Variants in TRPV3 observed in about 807,000 individuals in gnomAD.
The protein encoded by TRPV3 is transient receptor potential cation channel subfamily V member 3.
Under a neutral mutation model 87.1 loss-of-function variants are expected in TRPV3, and 88 were observed. The observed-to-expected ratio is 1.01, with a 90% CI of 0.85 to 1.21. TRPV3 has a LOEUF of 1.21. TRPV3 is among the 50% of genes most tolerant of loss of function. The probability of loss-of-function intolerance (pLI) is 0.00; values close to 1 mark genes in which losing one functional copy is unlikely to be tolerated. For missense variants in TRPV3, 1,054 were observed against 1,030.1 expected (o/e 1.02, Z -0.32); for synonymous variants, 438 against 423.3 (o/e 1.03, Z -0.43).
chr17:3,538,473 T>C (rs1047877196), intron 6 of TRPV3, among the ~76,000 whole-genome samples: 3 of 150,792 alleles, frequency 2.0e-5, no homozygotes, highest in African/African-American at 7.3e-5. Flanking sequence ...GCAGTGTTAG[T>C]GATAAGTAGG....
Position 3,535,707 on chromosome 17 carries a change from G to A in TRPV3, c.650C>T (p.Thr217Met). 1.3e-6 allele frequency: 2 copies of A among 1,541,290 alleles called. No individual in the cohort carries two copies. The highest frequency in any genetic ancestry group is 1.2e-5 in the South Asian group (1 of 82,156). ...EYTEEAYEGQ[T>M]ALNIAIERRQ... is the part of the protein sequence containing the mutation. ...CCGCTCGATGGCGATGTTCAGCGCCGTCTGCCCTGCGGAGCGGGCGGGGAC... is the reference window on the plus strand; with the variant it reads ...CCGCTCGATGGCGATGTTCAGCGCCATCTGCCCTGCGGAGCGGGCGGGGAC... The change falls in exon 7 of 18, where the codon ACG (threonine) becomes ATG (methionine). Residue 217 changes from threonine to methionine, a missense_variant. By Grantham distance (81) the Thr-to-Met change is moderately conservative (BLOSUM62 -1). Coordinates refer to ENST00000576742, the MANE Select transcript of TRPV3 (RefSeq NM_145068.4).
chr17:3,522,100 T>A (rs952438668), intron 13 of TRPV3, among the ~76,000 whole-genome samples: 7 of 152,132 alleles, frequency 4.6e-5, no homozygotes, highest in African/African-American at 1.7e-4. Flanking sequence ...TTAATTAATT[T>A]AATTAAATAA....
chr17:3,511,296 C>G lies in TRPV3; in HGVS notation c.*2621G>C, dbSNP rs2074110179. On this transcript the variant is annotated 3_prime_UTR_variant, in exon 18 of 18. Coordinates refer to ENST00000576742, the MANE Select transcript of TRPV3 (RefSeq NM_145068.4). Reference sequence around the variant, plus strand: ...ACACCTGAGAAAATAGTCCTGCCCCCCAATATAAGCGAAATACAAAGACTC... The same window carrying G: ...ACACCTGAGAAAATAGTCCTGCCCCGCAATATAAGCGAAATACAAAGACTC... 6.6e-6 allele frequency: 1 copy of G among 152,098 alleles called. No individual in the cohort carries two copies. Among genetic ancestry groups the G allele is most frequent in the Non-Finnish European group, 1.5e-5 (1 of 68,030 alleles). 9.4% of individuals were successfully genotyped at this position (152,098 alleles called of 1,614,324 possible). A position where few individuals can be genotyped will look rare whatever the true frequency, so the allele number is the denominator to read the frequency against.
In TRPV3 at chr17:3,535,647, G is replaced by C; in HGVS notation, c.710C>G (p.Ala237Gly). The C allele has an allele frequency of 6.2e-7, 1 of 1,607,954 alleles. No homozygotes were observed. The highest frequency in any genetic ancestry group is 1.1e-5 in the South Asian group (1 of 90,420). The change falls in exon 7 of 18, where the codon GCC becomes GGC. Residue 237 changes from alanine to glycine, a missense_variant. Physicochemically the swap from Ala to Gly is moderately conservative, Grantham distance 60. Transcript: ENST00000576742. ...GGCGTGCGCGTTGACGTCGGCGCCG[G>C]CGGCGATGAGCAGGGCTGCGATGTC... ...QGDIAALLIA[A>G]GADVNAHAKG...
intron 6 of TRPV3, among the ~76,000 whole-genome samples, chr17:3,541,091 C>T (rs1295461929): frequency 1.3e-5 from 2 of 152,192 alleles, no homozygotes; most frequent in South Asian, 2.1e-4. Flanking sequence ...TGTGGCAGGG[C>T]GTGGTGGCTC....
rs148257454 is a variant in TRPV3, at chr17:3,541,485, G to A, written c.643+1037C>T. ...CGAGCACCTCATAAGACCGTAAAGCGCTGTTGACTGACTCCAAAACTCAAA... is the reference window on the plus strand; with the variant it reads ...CGAGCACCTCATAAGACCGTAAAGCACTGTTGACTGACTCCAAAACTCAAA... On this transcript the variant is annotated intron_variant, in intron 6 of 17. Transcript: ENST00000576742. Among the ~76,000 whole-genome samples the A allele has an allele frequency of 4.2e-3, 635 of 152,238 alleles. 4 individuals are homozygous for A. The highest frequency in any genetic ancestry group is 0.014 in the African/African-American group (582 of 41,538).
In TRPV3 at chr17:3,527,932, A is replaced by G. The variant is rs73978900; in HGVS notation, c.1503+93T>C. Reference sequence around the variant, plus strand: ...CTTGGGAAGGAAACGCCTCCCCAGAACCCCCCAGCAGTAATGGCAGAGCAG... The same window carrying G: ...CTTGGGAAGGAAACGCCTCCCCAGAGCCCCCCAGCAGTAATGGCAGAGCAG... On this transcript the variant is annotated intron_variant, in intron 11 of 17. Coordinates refer to ENST00000576742, the MANE Select transcript of TRPV3 (RefSeq NM_145068.4). The G allele has an allele frequency of 2.8e-3, 2,761 of 1,003,396 alleles. 49 individuals are homozygous for G. The African/African-American group carries it at 0.038, about 14-fold the overall frequency. 62.2% of individuals were successfully genotyped at this position (1,003,396 alleles called of 1,614,324 possible).
chr17:3,533,318 T>C (rs371119578), intron 7 of TRPV3, among the ~76,000 whole-genome samples: 1 of 152,162 alleles, frequency 6.6e-6, no homozygotes, highest in Admixed American at 6.5e-5. Context: ...ACACGCCGCC[T>C]GGGGGCCTTC....
intron 6 of TRPV3, 141 bp from the exon 7 acceptor site, chr17:3,535,854 A>T (rs1366126614): frequency 1.8e-6 from 2 of 1,099,108 alleles, no homozygotes; most frequent in Non-Finnish European, 2.4e-6. Flanking sequence ...CAGGAATCCC[A>T]GCTTTGTTCT....
At chr17:3,526,956 A>T in intron 11 of TRPV3, 29 bp from the exon 12 acceptor site, 1 of 1,586,182 alleles carries the variant, frequency 6.3e-7, no homozygotes, top group Non-Finnish European at 8.6e-7. Flanking sequence ...GAAACAGTGC[A>T]CCCTCTTCAT....
chr17:3,538,441 A>C lies in TRPV3; in HGVS notation c.644-2728T>G, dbSNP rs867223640. On this transcript the variant is annotated intron_variant, in intron 6 of 17. Coordinates refer to ENST00000576742, the MANE Select transcript of TRPV3 (RefSeq NM_145068.4). The stretch of plus-strand genomic sequence containing the variant: ...ACCCACCAGACTGGAAAAGAACAAA[A>C]AAAAAAAAAAAAGGATAATTTGCAG... Among the ~76,000 whole-genome samples the C allele has an allele frequency of 2.2e-3, 286 of 131,896 alleles. 2 individuals are homozygous for C. The highest frequency in any genetic ancestry group is 0.012 in the African/African-American group (268 of 23,246). The allele number at this position is 131,896 out of a possible 152,430, so 86.5% of individuals were successfully genotyped here.
Position 3,542,529 on chromosome 17 carries a change from G to A in TRPV3, c.636C>T (p.Ala212=). ...RFINAEYTEE[A]YEGQTALNIA... Reference sequence around the variant, plus strand: ...CCTCTGCAGGCAGGATACCTTCATAGGCCTCCTCTGTGTACTCGGCGTTGA... The same window carrying A: ...CCTCTGCAGGCAGGATACCTTCATAAGCCTCCTCTGTGTACTCGGCGTTGA... The change falls in exon 6 of 18, where the codon GCC becomes GCT. Residue 212 remains alanine (A), a synonymous_variant. Transcript: ENST00000576742. The A allele has an allele frequency of 6.2e-7, 1 of 1,613,466 alleles. No individual in the cohort carries two copies. Among genetic ancestry groups the A allele is most frequent in the Non-Finnish European group, 8.5e-7 (1 of 1,179,654 alleles).
intron 15 of TRPV3, among the ~76,000 whole-genome samples, chr17:3,517,921 C>T (rs554066724): frequency 1.8e-3 from 276 of 151,504 alleles, no homozygotes; most frequent in Non-Finnish European, 2.9e-3. Flanking sequence ...TGGGTTCAAG[C>T]GATCCTCCTG....
chr17:3,526,882 GGATGGACT>G lies in TRPV3; in HGVS notation c.1541_1548del (p.Gln514ProfsTer70). On this transcript the variant is annotated frameshift_variant, in exon 12 of 18. Transcript: ENST00000576742. LOFTEE classifies it high-confidence loss of function. ...ACAAAGTGGAACCAGGCATCCGAGA[GGATGGACT>G]GCAGATCCGAGGGTCTCAGCAGGAA... 1 of 1,612,192 alleles carries G rather than the reference GGATGGACT, an allele frequency of 6.2e-7. No individual in the cohort carries two copies. Among genetic ancestry groups the G allele is most frequent in the Non-Finnish European group, 8.5e-7 (1 of 1,179,320 alleles).
At chr17:3,548,306 G>A (rs1440816323) in intron 2 of TRPV3, among the ~76,000 whole-genome samples, 3 of 152,222 alleles carry the variant, frequency 2.0e-5, no homozygotes, top group Non-Finnish European at 2.9e-5. Context: ...GAGAACTGAG[G>A]CTCAGTATGG....
chr17:3,542,113 T>C (rs770445463), intron 6 of TRPV3, among the ~76,000 whole-genome samples: 7 of 151,976 alleles, frequency 4.6e-5, no homozygotes, highest in Non-Finnish European at 8.8e-5. Flanking sequence ...CCTGCCACCA[T>C]GCCCGGCTGA....
At chr17:3,542,483 G>A (rs969016663) in intron 6 of TRPV3, 39 bp downstream of exon 6, 1 of 1,593,690 alleles carries the variant, frequency 6.3e-7, no homozygotes, top group Non-Finnish European at 8.5e-7. Flanking sequence ...CCCACCCTCA[G>A]AGACTCCTGT....
At chr17:3,529,727 T>TCACCCA (rs1295632301) in intron 9 of TRPV3, among the ~76,000 whole-genome samples, 1 of 151,898 alleles carries the variant, frequency 6.6e-6, no homozygotes, top group Non-Finnish European at 1.5e-5. Flanking sequence ...AATCACCCCA[T>TCACCCA]CACCCACACC....
chr17:3,524,666 T>C (rs1157100218), intron 12 of TRPV3, among the ~76,000 whole-genome samples: 2 of 150,080 alleles, frequency 1.3e-5, no homozygotes, highest in African/African-American at 5.1e-5. Context: ...CGGGAGGCCA[T>C]ATATTTTTTA....
Sources: gnomAD v4.1 joint callset for allele counts (sites outside exome capture counted in the v4.1 genomes callset) on GRCh38, gnomAD v4.1.1 for gene constraint, MANE v1.5 for transcripts, NCBI Gene and HGNC (gene_info 2026-07-23, HGNC 2026-07-21) for gene names.